Variants in UXS1 observed in about 807,000 individuals in gnomAD.
UXS1 encodes UDP-glucuronate decarboxylase 1.
Under a neutral mutation model 62.6 loss-of-function variants are expected in UXS1, and 33 were observed. That is an observed-to-expected ratio of 0.53 (90% confidence interval 0.40 to 0.70). UXS1 has a LOEUF of 0.70. Ranked by LOEUF, UXS1 falls within the 30% of genes least tolerant of loss-of-function variation. UXS1 has a pLI of 0.00. For missense variants in UXS1, 434 were observed against 556.3 expected (o/e 0.78, Z 2.21); for synonymous variants, 213 against 206.8 (o/e 1.03, Z -0.26).
intron 6 of UXS1, among the ~76,000 whole-genome samples, chr2:106,136,271 G>A (rs1680630311): frequency 8.7e-6 from 1 of 115,448 alleles, no homozygotes; most frequent in Non-Finnish European, 1.8e-5. Flanking sequence ...AACAGGTGCT[G>A]GAGAGGATGT....
Position 106,158,028 on chromosome 2 carries a change from T to C in UXS1, c.291+30A>G, listed in dbSNP as rs200476256. ...ACGAAAAAAGAAAGTTTCTTAATAT[T>C]ACAAATACTATTCAGGTGTGCAAAC... On this transcript the variant is annotated intron_variant, in intron 5 of 14. Transcript: ENST00000283148. 9.7e-5 allele frequency: 147 copies of C among 1,522,124 alleles called. 1 individual carries two copies. In the African/African-American group the frequency reaches 1.9e-3, roughly 19 times the overall value. The allele number at this position is 1,522,124 out of a possible 1,614,324, so 94.3% of individuals were successfully genotyped here.
intron 1 of UXS1, among the ~76,000 whole-genome samples, chr2:106,176,865 G>A (rs1683914008): frequency 6.6e-6 from 1 of 152,236 alleles, no homozygotes; most frequent in Non-Finnish European, 1.5e-5. Context: ...ACTCCAATTT[G>A]TTGTCTCCAG....
At chr2:106,157,950 C>G (rs1223891818) in intron 5 of UXS1, 108 bp downstream of exon 5, 1 of 1,003,616 alleles carries the variant, frequency 1.0e-6, no homozygotes, top group Non-Finnish European at 1.5e-6. Context: ...CTATAAGCCA[C>G]TGAATCGTAT....
chr2:106,111,659 A>G (rs563733813), intron 10 of UXS1, among the ~76,000 whole-genome samples: 2 of 152,294 alleles, frequency 1.3e-5, no homozygotes, highest in African/African-American at 4.8e-5. Flanking sequence ...GGAGGGGAAT[A>G]ATGTCACCTG....
At chr2:106,176,315 C>T (rs1252237558) in intron 1 of UXS1, among the ~76,000 whole-genome samples, 1 of 152,220 alleles carries the variant, frequency 6.6e-6, no homozygotes, top group Non-Finnish European at 1.5e-5. Flanking sequence ...CTTGGATAAA[C>T]CCTGAGGTGG....
intron 8 of UXS1, among the ~76,000 whole-genome samples, chr2:106,124,203 A>T (rs1679746377): frequency 6.6e-6 from 1 of 152,250 alleles, no homozygotes; most frequent in East Asian, 1.9e-4. Context: ...GATTGATCCC[A>T]GACCTTTTTC....
At chr2:106,137,116 C>T (rs1255278358) in intron 6 of UXS1, among the ~76,000 whole-genome samples, 1 of 152,076 alleles carries the variant, frequency 6.6e-6, no homozygotes, top group Non-Finnish European at 1.5e-5. Flanking sequence ...TGTCAAAATG[C>T]AAGTTCGCTG....
intron 9 of UXS1, among the ~76,000 whole-genome samples, chr2:106,120,041 G>T (rs937062875): frequency 3.7e-4 from 56 of 152,126 alleles, no homozygotes; most frequent in African/African-American, 1.2e-3. Context: ...TGCGCAGAGA[G>T]GAAAGGCACC....
At chr2:106,098,511 C>T (rs1011080072) in intron 13 of UXS1, among the ~76,000 whole-genome samples, 4 of 152,168 alleles carry the variant, frequency 2.6e-5, no homozygotes, top group South Asian at 2.1e-4. Context: ...AAACCTGCAA[C>T]GAAAACTGAG....
chr2:106,106,669 A>AAGCAGGGGAAT (rs1678097650), intron 10 of UXS1, among the ~76,000 whole-genome samples: 1 of 152,196 alleles, frequency 6.6e-6, no homozygotes, highest in Non-Finnish European at 1.5e-5. Flanking sequence ...GAATTCCTTG[A>AAGCAGGGGAAT]CAGTTCTGCC....
In UXS1 at chr2:106,097,177, A is replaced by T. The variant is rs1460181539; in HGVS notation, c.1043-356T>A. On this transcript the variant is annotated intron_variant, in intron 13 of 14. Transcript: ENST00000283148. Reference sequence around the variant, plus strand: ...AGTGCAGACGTGCCCACCGAGCATGACCCCGGTGTGAGACCACAAACGTGG... The same window carrying T: ...AGTGCAGACGTGCCCACCGAGCATGTCCCCGGTGTGAGACCACAAACGTGG... 8.5e-6 allele frequency: 4 copies of T among 468,386 alleles called. No individual in the cohort carries two copies. The Admixed American group carries it at 9.3e-5, about 11-fold the overall frequency. 29.0% of individuals were successfully genotyped at this position (468,386 alleles called of 1,614,324 possible). A position where few individuals can be genotyped will look rare whatever the true frequency, so the allele number is the denominator to read the frequency against.
At chr2:106,145,429 G>A in intron 5 of UXS1, 59 bp from the exon 6 acceptor site, 1 of 1,526,416 alleles carries the variant, frequency 6.6e-7, no homozygotes. Flanking sequence ...AACACAGTGA[G>A]GACCAGCTCC....
chr2:106,152,077 C>T (rs1357815998), intron 5 of UXS1, among the ~76,000 whole-genome samples: 3 of 152,224 alleles, frequency 2.0e-5, no homozygotes, highest in African/African-American at 7.2e-5. Context: ...CTCCACAGAC[C>T]TGTTCCCCAA....
chr2:106,187,328 G>A (rs894910781), intron 1 of UXS1, among the ~76,000 whole-genome samples: 3 of 152,160 alleles, frequency 2.0e-5, no homozygotes, highest in African/African-American at 7.2e-5. Flanking sequence ...GCCTGGGAAT[G>A]CCACCGGTAC....
intron 6 of UXS1, among the ~76,000 whole-genome samples, chr2:106,137,040 TG>T (rs1234093802): frequency 1.4e-5 from 2 of 143,918 alleles, no homozygotes; most frequent in African/African-American, 5.2e-5. Flanking sequence ...CCAATGCTTA[TG>T]GGAAGAATAA....
intron 1 of UXS1, among the ~76,000 whole-genome samples, chr2:106,193,068 G>T (rs749067774): frequency 1.3e-5 from 2 of 152,084 alleles, no homozygotes. Flanking sequence ...CTAGCAACCC[G>T]GAGTCCTGCT....
chr2:106,149,180 A>G (rs1488716579), intron 5 of UXS1, among the ~76,000 whole-genome samples: 2 of 152,192 alleles, frequency 1.3e-5, no homozygotes, highest in African/African-American at 4.8e-5. Flanking sequence ...ATGAGATGGC[A>G]GATGAGGGGA....
chr2:106,157,653 T>C (rs1348085413), intron 5 of UXS1, among the ~76,000 whole-genome samples: 2 of 152,168 alleles, frequency 1.3e-5, no homozygotes, highest in South Asian at 2.1e-4. Context: ...GGAAACAGTA[T>C]GTGGTACACC....
chr2:106,165,220 A>G (rs934136039), intron 2 of UXS1, among the ~76,000 whole-genome samples: 1 of 152,168 alleles, frequency 6.6e-6, no homozygotes, highest in Non-Finnish European at 1.5e-5. Flanking sequence ...CCACCTAGTC[A>G]TACACAGCAG....
Sources: allele counts gnomAD v4.1 joint callset (sites outside exome capture counted in the v4.1 genomes callset), GRCh38; gene constraint gnomAD v4.1.1; transcripts MANE v1.5; gene names NCBI Gene and HGNC (gene_info 2026-07-23, HGNC 2026-07-21).